The following ADCY2 variants were observed in gnomAD, a reference collection of about 807,000 sequenced individuals.
ADCY2 encodes adenylate cyclase 2, also known as adenylate cyclase type 2.
In ADCY2, 31 loss-of-function variants were observed where a neutral mutation model predicts 125.2. That is an observed-to-expected ratio of 0.25 (90% confidence interval 0.19 to 0.33). The LOEUF (loss-of-function observed/expected upper bound fraction) is 0.33, where lower values mean the gene tolerates loss of function less well. Among genes scored for constraint, ADCY2 ranks in the 10% least tolerant of loss-of-function variants. The pLI, the probability that ADCY2 is intolerant of heterozygous loss-of-function variation, is 1.00. For synonymous variants in ADCY2, 512 were observed against 548.4 expected, an observed-to-expected ratio of 0.93 and a Z score of 0.93; for missense variants, 904 against 1,418.2, an observed-to-expected ratio of 0.64 and a Z score of 5.82.
chr5:7,794,137 C>G (rs1234462536), intron 20 of ADCY2: 1 of 152,256 alleles, frequency 6.6e-6, no homozygotes, highest in Non-Finnish European at 1.5e-5. Context: ...ATCATTCCCA[C>G]TGTGATGCTG....
At chr5:7,693,616 G>A (rs1162772626) in intron 5 of ADCY2, among the ~76,000 whole-genome samples, 4 of 151,840 alleles carry the variant, frequency 2.6e-5, no homozygotes, top group Non-Finnish European at 4.4e-5. Context: ...AGAGATGGGG[G>A]TTCGCCATGT....
chr5:7,654,157 C>T (rs1739235726), intron 4 of ADCY2: 1 of 455,426 alleles, frequency 2.2e-6, no homozygotes, highest in South Asian at 1.6e-5. Context: ...CAGGAAAGGG[C>T]CTTGGGAAGA....
chr5:7,707,088 C>T (rs1051554389), intron 8 of ADCY2, among the ~76,000 whole-genome samples, 186 bp downstream of exon 8: 3 of 152,172 alleles, frequency 2.0e-5, no homozygotes, highest in South Asian at 2.1e-4. Context: ...CCCTGCGTCA[C>T]GACCCCGTTG....
intron 4 of ADCY2, among the ~76,000 whole-genome samples, chr5:7,672,367 T>C (rs984271450): frequency 6.6e-6 from 1 of 152,208 alleles, no homozygotes; most frequent in East Asian, 1.9e-4. Context: ...GCAATGCCTT[T>C]AACTTTGAAA....
chr5:7,623,168 C>T (rs1198500443), intron 3 of ADCY2, among the ~76,000 whole-genome samples: 1 of 152,186 alleles, frequency 6.6e-6, no homozygotes, highest in Non-Finnish European at 1.5e-5. Flanking sequence ...AGTTCTGTTG[C>T]TTACACTTGG....
chr5:7,660,579 A>G (rs897174585), intron 4 of ADCY2, among the ~76,000 whole-genome samples: 3 of 152,184 alleles, frequency 2.0e-5, no homozygotes, highest in African/African-American at 7.2e-5. Flanking sequence ...AGAGTAAGTT[A>G]AGAGTTGATA....
chr5:7,819,312 A>T (rs891341603), intron 23 of ADCY2, among the ~76,000 whole-genome samples: 1 of 152,222 alleles, frequency 6.6e-6, no homozygotes, highest in South Asian at 2.1e-4. Flanking sequence ...AGTATTAACT[A>T]TCGCAATGGG....
chr5:7,818,369 T>C (rs1390801980), intron 23 of ADCY2, among the ~76,000 whole-genome samples: 1 of 146,658 alleles, frequency 6.8e-6, no homozygotes, highest in African/African-American at 2.7e-5. Flanking sequence ...TTTTTTTTTC[T>C]TTTGTGAGAC....
chr5:7,424,188 G>A (rs758148898), intron 2 of ADCY2, among the ~76,000 whole-genome samples: 31 of 152,236 alleles, frequency 2.0e-4, no homozygotes, highest in Non-Finnish European at 3.8e-4. Context: ...ACAAATGAGT[G>A]TACAAATACT....
intron 3 of ADCY2, among the ~76,000 whole-genome samples, chr5:7,623,535 A>G (rs1738025719): frequency 6.6e-6 from 1 of 152,210 alleles, no homozygotes; most frequent in African/African-American, 2.4e-5. Flanking sequence ...CTGTTCAGCT[A>G]GTGGAGGGTC....
At chr5:7,468,918 C>A (rs1742228880) in intron 2 of ADCY2, among the ~76,000 whole-genome samples, 1 of 152,108 alleles carries the variant, frequency 6.6e-6, no homozygotes, top group Non-Finnish European at 1.5e-5. Flanking sequence ...TTTTCAACAG[C>A]CTTGTAAATT....
At chr5:7,515,152 A>G (rs1487395097) in intron 2 of ADCY2, among the ~76,000 whole-genome samples, 1 of 152,226 alleles carries the variant, frequency 6.6e-6, no homozygotes, top group Non-Finnish European at 1.5e-5. Flanking sequence ...CCTTTTAAAA[A>G]ATTCAGCTCA....
chr5:7,528,532 A>G (rs191718260), intron 3 of ADCY2, among the ~76,000 whole-genome samples: 127 of 152,274 alleles, frequency 8.3e-4, no homozygotes, highest in Admixed American at 5.4e-3. Context: ...TCTCTTGGAG[A>G]TTTGATCAAA....
intron 19 of ADCY2, among the ~76,000 whole-genome samples, chr5:7,787,867 A>G (rs1468919776): frequency 6.6e-6 from 1 of 152,184 alleles, no homozygotes; most frequent in Non-Finnish European, 1.5e-5. Context: ...AGCATGGCGC[A>G]TGGAAACCTT....
intron 2 of ADCY2, among the ~76,000 whole-genome samples, chr5:7,503,449 A>G (rs1743672615): frequency 6.6e-6 from 1 of 152,198 alleles, no homozygotes; most frequent in South Asian, 2.1e-4. Flanking sequence ...ATATATTTGA[A>G]CTTTTTAAGT....
intron 4 of ADCY2, among the ~76,000 whole-genome samples, chr5:7,672,135 C>G (rs1280762854): frequency 6.6e-6 from 1 of 152,140 alleles, no homozygotes; most frequent in Non-Finnish European, 1.5e-5. Flanking sequence ...AGACTCTTGA[C>G]TCCAAAGCTA....
intron 4 of ADCY2, among the ~76,000 whole-genome samples, chr5:7,626,644 A>T (rs928445434): frequency 6.6e-6 from 1 of 152,148 alleles, no homozygotes; most frequent in African/African-American, 2.4e-5. Context: ...TCACTTAGCG[A>T]GAGAGGAAGC....
At chr5:7,581,227 ACAT>A (rs1386028111) in intron 3 of ADCY2, among the ~76,000 whole-genome samples, 3 of 152,230 alleles carry the variant, frequency 2.0e-5, no homozygotes, top group East Asian at 1.9e-4. Flanking sequence ...GGATATGATA[ACAT>A]CATATTGAAA....
In ADCY2 at chr5:7,717,145, T is replaced by C; in HGVS notation, c.1623-12T>C. The C allele has an allele frequency of 6.3e-7, 1 of 1,579,494 alleles. No individual in the cohort carries two copies. Among genetic ancestry groups the C allele is most frequent in the Non-Finnish European group, 8.7e-7 (1 of 1,154,164 alleles). On this transcript the variant is annotated splice_polypyrimidine_tract_variant and intron_variant, in intron 11 of 24. Transcript: ENST00000338316. ...TAATATCCTTACCCATAATATTCCATTTTTCATATAGAACCAAGTCACAAA... is the reference window on the plus strand; with the variant it reads ...TAATATCCTTACCCATAATATTCCACTTTTCATATAGAACCAAGTCACAAA...
Sources: allele counts gnomAD v4.1 joint callset (sites outside exome capture counted in the v4.1 genomes callset), GRCh38; gene constraint gnomAD v4.1.1; transcripts MANE v1.5; gene names NCBI Gene and HGNC (gene_info 2026-07-23, HGNC 2026-07-21).